KCNQ1OT1: variants seen among roughly 807,000 people sequenced by gnomAD.
The protein encoded by KCNQ1OT1 is KCNQ1 opposite strand/antisense transcript 1, also known as KCNQ1 antisense RNA 2 (non-protein coding).
chr11:2,694,701 C>T (rs951254877), exon 1 of KCNQ1OT1: 1 of 398,612 alleles, frequency 2.5e-6, no homozygotes. Flanking sequence ...CTCTTGGGGC[C>T]TCTCTTCCGG....
chr11:2,644,314 CTT>C, exon 1 of KCNQ1OT1: 1 of 398,302 alleles, frequency 2.5e-6, no homozygotes, highest in Non-Finnish European at 4.4e-6. Flanking sequence ...TTTCAAAAGA[CTT>C]ATCTTCAAGG....
chr11:2,695,238 C>T lies in KCNQ1OT1; in HGVS notation n.4757G>A, dbSNP rs1850654393. On this transcript the variant is annotated non_coding_transcript_exon_variant, in exon 1 of 1. Transcript: ENST00000597346. This position sits in a 1 kb window ranked among gnomAD's most constrained non-coding sequence, Gnocchi z 5.2. ...GTCTGCATAAAGTCACCGCTCTCTTCCTCTCCATGCTTTTCCACTTCATCT... is the reference window on the plus strand; with the variant it reads ...GTCTGCATAAAGTCACCGCTCTCTTTCTCTCCATGCTTTTCCACTTCATCT... 1 of 398,602 alleles carries T rather than the reference C, an allele frequency of 2.5e-6. No homozygotes were observed. Among genetic ancestry groups the T allele is most frequent in the Non-Finnish European group, 4.4e-6 (1 of 226,098 alleles). The allele number at this position is 398,602 out of a possible 1,614,324, so 24.7% of individuals were successfully genotyped here.
chr11:2,619,560 AG>A, exon 1 of KCNQ1OT1: 1 of 398,562 alleles, frequency 2.5e-6, no homozygotes, highest in Non-Finnish European at 4.4e-6. Context: ...TGTTAAATTT[AG>A]TCTGCCAATA....
exon 1 of KCNQ1OT1, chr11:2,672,063 CT>C: frequency 5.0e-6 from 2 of 398,744 alleles, no homozygotes; most frequent in Non-Finnish European, 8.8e-6. Flanking sequence ...GTATCCTCCC[CT>C]GGTCCCTGGT....
At chr11:2,640,245 G>C (rs1849552122) in exon 1 of KCNQ1OT1, 1 of 396,978 alleles carries the variant, frequency 2.5e-6, no homozygotes, top group Non-Finnish European at 4.4e-6. Flanking sequence ...GCCCCAGTGA[G>C]ATGAACCCAC....
chr11:2,651,801 CA>C lies in KCNQ1OT1; in HGVS notation n.48193del. On this transcript the variant is annotated non_coding_transcript_exon_variant, in exon 1 of 1. Coordinates refer to ENST00000597346, the Ensembl canonical transcript of KCNQ1OT1. This position sits in a 1 kb window ranked among gnomAD's most constrained non-coding sequence, Gnocchi z 6.1. Reference sequence around the variant, plus strand: ...TTGATTCCTGGGCCCCTTAAGAGTCCATTAGCATTGGAATGGAGCCCACAGG... The same window carrying C: ...TTGATTCCTGGGCCCCTTAAGAGTCCTTAGCATTGGAATGGAGCCCACAGG... 1 of 398,604 alleles carries C rather than the reference CA, an allele frequency of 2.5e-6. No individual in the cohort carries two copies. Among genetic ancestry groups the C allele is most frequent in the Non-Finnish European group, 4.4e-6 (1 of 226,086 alleles). The allele number at this position is 398,604 out of a possible 1,614,324, so 24.7% of individuals were successfully genotyped here.
At chr11:2,635,730 G>C (rs553737498) in exon 1 of KCNQ1OT1, 1 of 152,164 alleles carries the variant, frequency 6.6e-6, no homozygotes, top group African/African-American at 2.4e-5. Flanking sequence ...AAAGTCATTG[G>C]TAGCTTGATG....
chr11:2,609,620 T>C (rs931353177), exon 1 of KCNQ1OT1: 8 of 398,320 alleles, frequency 2.0e-5, no homozygotes, highest in African/African-American at 1.6e-4. Flanking sequence ...AAGTGGAGTG[T>C]TGAAGTCTCC....
chr11:2,661,014 A>G lies in KCNQ1OT1; in HGVS notation n.38981T>C, dbSNP rs2133854641. 2.5e-6 allele frequency: 1 copy of G among 398,630 alleles called. No homozygotes were observed. Among genetic ancestry groups the G allele is most frequent in the East Asian group, 3.6e-5 (1 of 28,082 alleles). The allele number at this position is 398,630 out of a possible 1,614,324, so 24.7% of individuals were successfully genotyped here. On this transcript the variant is annotated non_coding_transcript_exon_variant, in exon 1 of 1. Coordinates refer to ENST00000597346, the Ensembl canonical transcript of KCNQ1OT1. The surrounding 1 kb of genome is among the most constrained non-coding windows in gnomAD (Gnocchi z 5.9). ...CTAAAATAATTAAATCCATGCCTAT[A>G]TACCTAGAGAAAAATGAAATGAGCT...
chr11:2,633,490 T>A, exon 1 of KCNQ1OT1: 1 of 398,620 alleles, frequency 2.5e-6, no homozygotes, highest in Non-Finnish European at 4.4e-6. Flanking sequence ...CTTCTAGTAC[T>A]GTTTGCTTCA....
exon 1 of KCNQ1OT1, chr11:2,615,643 G>A: frequency 2.5e-6 from 1 of 397,926 alleles, no homozygotes; most frequent in Non-Finnish European, 4.4e-6. Context: ...ATGATTGCAT[G>A]GATTTTTTAT....
Position 2,670,343 on chromosome 11 carries a change from T to TTA in KCNQ1OT1, n.29651_29652insTA. The TTA allele has an allele frequency of 5.0e-6, 2 of 398,552 alleles. No homozygotes were observed. The allele number at this position is 398,552 out of a possible 1,614,324, so 24.7% of individuals were successfully genotyped here. A position where few individuals can be genotyped will look rare whatever the true frequency, so the allele number is the denominator to read the frequency against. On this transcript the variant is annotated non_coding_transcript_exon_variant, in exon 1 of 1. Coordinates refer to ENST00000597346, the Ensembl canonical transcript of KCNQ1OT1. This position sits in a 1 kb window ranked among gnomAD's most constrained non-coding sequence, Gnocchi z 4.9. ...ATATGGTAGCAGAGTTCAGACTCAGTGGCTTTCAGATGGTTAGTATAGGCT... is the reference window on the plus strand; with the variant it reads ...ATATGGTAGCAGAGTTCAGACTCAGTTAGGCTTTCAGATGGTTAGTATAGGCT...
rs778353137 is a variant in KCNQ1OT1, at chr11:2,645,856, AT to A, written n.54138del. 359 of 398,556 alleles carry A rather than the reference AT, an allele frequency of 9.0e-4. 1 individual carries two copies. Among genetic ancestry groups the A allele is most frequent in the South Asian group, 1.7e-3 (13 of 7,838 alleles). The allele number at this position is 398,556 out of a possible 1,614,324, so 24.7% of individuals were successfully genotyped here. A position where few individuals can be genotyped will look rare whatever the true frequency, so the allele number is the denominator to read the frequency against. On this transcript the variant is annotated non_coding_transcript_exon_variant, in exon 1 of 1. Coordinates refer to ENST00000597346, the Ensembl canonical transcript of KCNQ1OT1. This position sits in a 1 kb window ranked among gnomAD's most constrained non-coding sequence, Gnocchi z 5.8. ...GCCTGAGGATTCAGGGGATGTGTGA[AT>A]TGCCTGAGGATTCAGGGTGATCTCC...
At position 2,646,914 on chromosome 11, in the gene KCNQ1OT1, T is replaced by C. The variant is rs534124860; in HGVS notation, n.53081A>G. 30 of 398,676 alleles carry C rather than the reference T, an allele frequency of 7.5e-5. No individual in the cohort carries two copies. In the East Asian group the frequency reaches 1.0e-3, roughly 13 times the overall value. The allele number at this position is 398,676 out of a possible 1,614,324, so 24.7% of individuals were successfully genotyped here. Reference sequence around the variant, plus strand: ...GGTGGAATCTTTAGGTTTTTCTATGTATAAGATTATGCCATCTGCAAAGGA... The same window carrying C: ...GGTGGAATCTTTAGGTTTTTCTATGCATAAGATTATGCCATCTGCAAAGGA... On this transcript the variant is annotated non_coding_transcript_exon_variant, in exon 1 of 1. Coordinates refer to ENST00000597346, the Ensembl canonical transcript of KCNQ1OT1.
rs2133874606 is a variant in KCNQ1OT1, at chr11:2,676,135, G to A, written n.23860C>T. ...AGATACGGCTCCTTTTTATACAAAT[G>A]GTAGCATACTGTATGTATTTTTCTA... On this transcript the variant is annotated non_coding_transcript_exon_variant, in exon 1 of 1. Transcript: ENST00000597346. This position sits in a 1 kb window ranked among gnomAD's most constrained non-coding sequence, Gnocchi z 4.2. 2.5e-6 allele frequency: 1 copy of A among 398,582 alleles called. No homozygotes were observed. Among genetic ancestry groups the A allele is most frequent in the East Asian group, 3.6e-5 (1 of 28,080 alleles). 24.7% of individuals were successfully genotyped at this position (398,582 alleles called of 1,614,324 possible).
chr11:2,609,014 A>G (rs1476607306), exon 1 of KCNQ1OT1: 1 of 397,352 alleles, frequency 2.5e-6, no homozygotes, highest in African/African-American at 2.1e-5. Flanking sequence ...TATTATTTTT[A>G]TATTCTATAT....
chr11:2,697,040 T>G, exon 1 of KCNQ1OT1: 1 of 398,594 alleles, frequency 2.5e-6, no homozygotes, highest in Non-Finnish European at 4.4e-6. Flanking sequence ...CCCCAGACCC[T>G]TTCAGGAAAG....
exon 1 of KCNQ1OT1, chr11:2,672,274 G>A (rs1225065970): frequency 1.0e-5 from 4 of 398,480 alleles, no homozygotes; most frequent in South Asian, 2.5e-4. Context: ...ACTGCCCCAC[G>A]AACCCCACCA....
chr11:2,628,430 GTCT>G, exon 1 of KCNQ1OT1: 1 of 398,384 alleles, frequency 2.5e-6, no homozygotes, highest in East Asian at 3.6e-5. Flanking sequence ...CCATCTGTAT[GTCT>G]TCTTTGAATA....
Sources: allele counts gnomAD v4.1 joint callset, GRCh38; gene constraint gnomAD v4.1.1; non-coding constraint Gnocchi (gnomAD v3.1); transcripts MANE v1.5; gene names NCBI Gene and HGNC (gene_info 2026-07-23, HGNC 2026-07-21).